POMP: variants seen among roughly 807,000 people sequenced by gnomAD.
POMP encodes the protein 2510048O06Rik.
A neutral mutation model predicts 20.6 loss-of-function variants in POMP; 12 were observed. The ratio of observed to expected loss-of-function variants is 0.58; its 90% CI spans 0.37 to 0.94. The LOEUF is 0.94. POMP is among the 40% of genes least tolerant of loss of function. The pLI is 0.01. For missense variants in POMP, 136 were observed against 161.1 expected, an observed-to-expected ratio of 0.84 and a Z score of 0.84; for synonymous variants, 53 against 55.0, an observed-to-expected ratio of 0.96 and a Z score of 0.16.
intron 5 of POMP, among the ~76,000 whole-genome samples, chr13:28,675,282 A>G (rs925390301): frequency 5.9e-5 from 9 of 152,034 alleles, no homozygotes; most frequent in African/African-American, 1.9e-4. Flanking sequence ...CTGGGATTAC[A>G]GGTGCCCACG....
chr13:28,676,564 A>G (rs75461477), intron 5 of POMP, among the ~76,000 whole-genome samples: 17 of 152,298 alleles, frequency 1.1e-4, no homozygotes, highest in African/African-American at 4.1e-4. Flanking sequence ...TGTTGATCAC[A>G]TTCTTATCAC....
chr13:28,672,075 T>C (rs1884557485), intron 4 of POMP, among the ~76,000 whole-genome samples: 1 of 152,216 alleles, frequency 6.6e-6, no homozygotes, highest in Admixed American at 6.5e-5. Context: ...GTATATGCCG[T>C]AGTTTTCCTG....
rs768731598 is a variant in POMP, at chr13:28,672,325, A to G, written c.265-14A>G. The G allele has an allele frequency of 3.8e-6, 6 of 1,567,756 alleles. No homozygotes were observed. The South Asian group carries it at 5.5e-5, about 14-fold the overall frequency. On this transcript the variant is annotated splice_polypyrimidine_tract_variant and intron_variant, in intron 4 of 5. Transcript: ENST00000380842. ...GTTTTTTCTAATCTTGTCCCTTCAT[A>G]CTTTTCCCCAAAGGTTCAGCGTCTT...
chr13:28,676,427 G>C (rs948458837), intron 5 of POMP, among the ~76,000 whole-genome samples: 1 of 152,282 alleles, frequency 6.6e-6, no homozygotes, highest in South Asian at 2.1e-4. Context: ...TAACACTTAT[G>C]TGATATTTTT....
At chr13:28,660,150 G>A (rs79181660) in intron 1 of POMP, among the ~76,000 whole-genome samples, 3,870 of 152,272 alleles carry the variant, frequency 0.025, 159 homozygotes, top group African/African-American at 0.089. Flanking sequence ...CAATAAAGCA[G>A]TCCAGAAGGA....
At chr13:28,661,221 G>T (rs112238321) in intron 1 of POMP, among the ~76,000 whole-genome samples, 1,632 of 152,210 alleles carry the variant, frequency 0.011, 22 homozygotes, top group African/African-American at 0.038. Context: ...CCAGCACTTT[G>T]GGGGGTGCTG....
intron 5 of POMP, among the ~76,000 whole-genome samples, chr13:28,673,738 G>A (rs1884588124): frequency 1.3e-5 from 2 of 152,156 alleles, no homozygotes; most frequent in Non-Finnish European, 2.9e-5. Context: ...GATAGTTCAG[G>A]TCTTTAGTTA....
chr13:28,671,825 T>G (rs1884552211), intron 4 of POMP, among the ~76,000 whole-genome samples: 1 of 152,148 alleles, frequency 6.6e-6, no homozygotes. Context: ...ACTACTATCA[T>G]TTAGTCAAAG....
Position 28,668,550 on chromosome 13 carries a change from G to A in POMP, c.240G>A (p.Gln80=). 1.2e-6 allele frequency: 2 copies of A among 1,610,776 alleles called. No individual in the cohort carries two copies. Among genetic ancestry groups the A allele is most frequent in the African/African-American group, 2.7e-5 (2 of 74,964 alleles). The stretch of plus-strand genomic sequence containing the variant: ...GTCTATTTGCTCCGCTAAAATTACA[G>A]ATGGAATTCAAGGCAGTGCAGCAGG... The part of the protein sequence containing the change: ...IQGLFAPLKL[Q]MEFKAVQQVQ... Residue 80 remains glutamine, a synonymous_variant, in exon 4 of 6, where the codon CAG becomes CAA. Transcript: ENST00000380842.
At chr13:28,672,846 A>G (rs1343336757) in intron 5 of POMP, among the ~76,000 whole-genome samples, 1 of 152,208 alleles carries the variant, frequency 6.6e-6, no homozygotes, top group Admixed American at 6.5e-5. Context: ...TTCAAGTGTA[A>G]TATGTCAGTC....
chr13:28,665,190 C>T (rs532276471), intron 3 of POMP, among the ~76,000 whole-genome samples: 1 of 152,094 alleles, frequency 6.6e-6, no homozygotes, highest in Non-Finnish European at 1.5e-5. Context: ...AGCATGTATA[C>T]ATGTCCAAAA....
intron 1 of POMP, 72 bp from the exon 2 acceptor site, chr13:28,662,338 T>C: frequency 8.5e-7 from 1 of 1,175,898 alleles, no homozygotes; most frequent in Non-Finnish European, 1.3e-6. Flanking sequence ...TAAACAATAT[T>C]TTTGACACAG....
chr13:28,668,741 A>G (rs1884489604), intron 4 of POMP, among the ~76,000 whole-genome samples, 167 bp downstream of exon 4: 2 of 152,204 alleles, frequency 1.3e-5, no homozygotes, highest in African/African-American at 4.8e-5. Context: ...AAAAGAAGTC[A>G]TTAAATGGAA....
chr13:28,659,202 G>T lies in POMP; in HGVS notation c.3+15G>T. On this transcript the variant is annotated intron_variant, in intron 1 of 5. Coordinates refer to ENST00000380842, the MANE Select transcript of POMP (RefSeq NM_015932.6). ...TGCGGAAGATGGTGAGTGGGTACCC[G>T]GGCGGCTGGAGTTCCACGCGGGCTC... 6.3e-7 allele frequency: 1 copy of T among 1,588,606 alleles called. No homozygotes were observed. The highest frequency in any genetic ancestry group is 8.6e-7 in the Non-Finnish European group (1 of 1,168,704).
At chr13:28,665,537 T>C (rs561740251) in intron 3 of POMP, among the ~76,000 whole-genome samples, 5 of 152,312 alleles carry the variant, frequency 3.3e-5, no homozygotes, top group African/African-American at 1.2e-4. Context: ...TGATCATCTT[T>C]GAGAACTAAT....
rs1884428219 is a variant in POMP at position 28,665,520 on chromosome 13, GCA to G, written c.162+954_162+955del. ...TAAGTATGTGAGTATGATTATAAAA[GCA>G]CAGTTGATCATCTTTGAGAACTAAT... On this transcript the variant is annotated intron_variant, in intron 3 of 5. Coordinates refer to ENST00000380842, the MANE Select transcript of POMP (RefSeq NM_015932.6). 4.6e-5 allele frequency among the ~76,000 whole-genome samples: 7 copies of G among 152,170 alleles called. No individual in the cohort carries two copies. The South Asian group carries it at 1.4e-3, about 31-fold the overall frequency.
At chr13:28,665,797 A>T (rs756615481) in intron 3 of POMP, among the ~76,000 whole-genome samples, 6 of 152,210 alleles carry the variant, frequency 3.9e-5, no homozygotes, top group Non-Finnish European at 5.9e-5. Context: ...AAATTATCTG[A>T]CAAGGGATAA....
intron 5 of POMP, among the ~76,000 whole-genome samples, chr13:28,675,954 A>T (rs908716055): frequency 1.3e-5 from 2 of 152,142 alleles, no homozygotes; most frequent in Non-Finnish European, 2.9e-5. Context: ...ACCATCCATG[A>T]AGTGTTCAAC....
intron 3 of POMP, among the ~76,000 whole-genome samples, chr13:28,666,626 T>C (rs1016541023): frequency 5.3e-5 from 8 of 152,248 alleles, no homozygotes; most frequent in Non-Finnish European, 1.0e-4. Context: ...TTGAACTATG[T>C]GGGCACCCCA....
Sources: allele counts gnomAD v4.1 joint callset (sites outside exome capture counted in the v4.1 genomes callset), GRCh38; gene constraint gnomAD v4.1.1; transcripts MANE v1.5; gene names NCBI Gene and HGNC (gene_info 2026-07-23, HGNC 2026-07-21).